The following TARDBP variants were observed in gnomAD, a reference collection of about 807,000 sequenced individuals.
TARDBP encodes the protein TAR DNA-binding protein 43.
A neutral mutation model predicts 38.3 loss-of-function variants in TARDBP; 4 were observed. That is an observed-to-expected ratio of 0.10 (90% CI 0.05 to 0.24). The LOEUF is 0.24. Ranked by LOEUF, TARDBP falls within the 10% of genes least tolerant of loss-of-function variation. TARDBP has a pLI of 1.00. For missense variants in TARDBP, 202 were observed against 521.9 expected (o/e 0.39, Z 5.97); for synonymous variants, 184 against 183.8 (o/e 1.00, Z -0.01).
At position 11,023,467 on chromosome 1, in the gene TARDBP, A is replaced by G. The variant is rs1201245706; in HGVS notation, c.*813A>G. On this transcript the variant is annotated 3_prime_UTR_variant, in exon 6 of 6. Coordinates refer to ENST00000240185, the MANE Select transcript of TARDBP (RefSeq NM_007375.4). ...GTGGGATTGATGGTGGTGCCGAGGC[A>G]TGAAAGGCTAGTATGAGCGAGAAAA... 3.4e-6 allele frequency: 2 copies of G among 587,520 alleles called. No individual in the cohort carries two copies. Among genetic ancestry groups the G allele is most frequent in the Non-Finnish European group, 6.0e-6 (2 of 331,758 alleles). The allele number at this position is 587,520 out of a possible 1,614,324, so 36.4% of individuals were successfully genotyped here. A position where few individuals can be genotyped will look rare whatever the true frequency, so the allele number is the denominator to read the frequency against.
intron 1 of TARDBP, among the ~76,000 whole-genome samples, chr1:11,013,329 G>C (rs1440993878): frequency 2.6e-5 from 4 of 152,242 alleles, no homozygotes; most frequent in Non-Finnish European, 5.9e-5. Flanking sequence ...CCATGCCTCA[G>C]CCAGTTAGGC....
At chr1:11,014,417 G>T in intron 2 of TARDBP, among the ~76,000 whole-genome samples, 1 of 152,266 alleles carries the variant, frequency 6.6e-6, no homozygotes, top group South Asian at 2.1e-4. Flanking sequence ...TTACAATTTC[G>T]AGGTTCTGGT....
At chr1:11,013,520 C>A (rs957488925) in intron 1 of TARDBP, among the ~76,000 whole-genome samples, 196 bp from the exon 2 acceptor site, 1 of 152,188 alleles carries the variant, frequency 6.6e-6, no homozygotes, top group Non-Finnish European at 1.5e-5. Context: ...AATGAACTGG[C>A]GAGGCATCAC....
intron 1 of TARDBP, among the ~76,000 whole-genome samples, chr1:11,012,971 G>C (rs1387898462): frequency 1.3e-5 from 2 of 152,256 alleles, no homozygotes; most frequent in African/African-American, 4.8e-5. Flanking sequence ...CGTAGCCTGA[G>C]GCGGAGGTTG....
intron 1 of TARDBP, 114 bp downstream of exon 1, chr1:11,012,857 G>C (rs949103664): frequency 2.6e-5 from 4 of 152,344 alleles, no homozygotes; most frequent in African/African-American, 9.6e-5. Flanking sequence ...TCAGCCGTGA[G>C]ACCGGGCCTA....
intron 3 of TARDBP, among the ~76,000 whole-genome samples, chr1:11,017,317 G>A (rs1213276768): frequency 2.0e-5 from 3 of 149,112 alleles, no homozygotes; most frequent in African/African-American, 7.5e-5. Context: ...GATTTCTCCT[G>A]TCTCGGCCTC....
chr1:11,026,316 A>G (rs958255428), downstream of TARDBP: 1 of 152,280 alleles, frequency 6.6e-6, no homozygotes, highest in African/African-American at 2.4e-5. Flanking sequence ...ACAATGTGAA[A>G]TAGTACTACT....
intron 2 of TARDBP, chr1:11,016,354 T>A (rs1017239377): frequency 5.8e-6 from 1 of 173,410 alleles, no homozygotes; most frequent in African/African-American, 2.4e-5. Flanking sequence ...ATAGGCACAC[T>A]GCAGCCTCAA....
chr1:11,022,336 T>G lies in TARDBP; in HGVS notation c.927T>G (p.Gly309=), dbSNP rs193107117. The G allele has an allele frequency of 6.8e-6, 11 of 1,613,844 alleles. No homozygotes were observed. In the East Asian group the frequency reaches 2.5e-4, roughly 36 times the overall value. Residue 309 remains glycine (G), a synonymous_variant, in exon 6 of 6, where the codon GGT becomes GGG. Coordinates refer to ENST00000240185, the MANE Select transcript of TARDBP (RefSeq NM_007375.4). This position sits in a 1 kb window ranked among gnomAD's most constrained non-coding sequence, Gnocchi z 4.5. ...LGNNQGSNMG[G]GMNFGAFSIN... ...ACAATCAAGGTAGTAATATGGGTGG[T>G]GGGATGAACTTTGGTGCGTTCAGCA... is the stretch of plus-strand genomic sequence containing the variant.
chr1:11,027,428 T>C (rs771458535), downstream of TARDBP: 35 of 1,614,020 alleles, frequency 2.2e-5, no homozygotes, highest in African/African-American at 1.7e-4. Context: ...TATAATGAGG[T>C]GATAGTCTTT....
chr1:11,023,451 A>C lies in TARDBP; in HGVS notation c.*797A>C, dbSNP rs1643678974. 1.6e-6 allele frequency: 1 copy of C among 617,720 alleles called. No individual in the cohort carries two copies. Among genetic ancestry groups the C allele is most frequent in the South Asian group, 2.2e-5 (1 of 46,014 alleles). 38.3% of individuals were successfully genotyped at this position (617,720 alleles called of 1,614,324 possible). A position where few individuals can be genotyped will look rare whatever the true frequency, so the allele number is the denominator to read the frequency against. On this transcript the variant is annotated 3_prime_UTR_variant, in exon 6 of 6. Transcript: ENST00000240185. ...ACTTTTGAAACCTTGTGTGGGATTG[A>C]TGGTGGTGCCGAGGCATGAAAGGCT...
In TARDBP at chr1:11,023,415, A is replaced by C. The variant is rs1643678785; in HGVS notation, c.*761A>C. ...CGCAAGGCTGTGATATGGAACCAGAAGGCTGTCTGAACTTTTGAAACCTTG... is the reference window on the plus strand; with the variant it reads ...CGCAAGGCTGTGATATGGAACCAGACGGCTGTCTGAACTTTTGAAACCTTG... On this transcript the variant is annotated 3_prime_UTR_variant, in exon 6 of 6. Transcript: ENST00000240185. The C allele has an allele frequency of 2.7e-6, 2 of 752,738 alleles. No individual in the cohort carries two copies. Among genetic ancestry groups the C allele is most frequent in the Non-Finnish European group, 4.3e-6 (2 of 468,154 alleles). 46.6% of individuals were successfully genotyped at this position (752,738 alleles called of 1,614,324 possible). A position where few individuals can be genotyped will look rare whatever the true frequency, so the allele number is the denominator to read the frequency against.
downstream of TARDBP, among the ~76,000 whole-genome samples, chr1:11,029,024 G>T (rs544929710): frequency 2.1e-5 from 3 of 144,400 alleles, no homozygotes; most frequent in East Asian, 6.2e-4. Context: ...ACAGAGTCTC[G>T]CTCTGTTGCC....
chr1:11,013,870 C>G lies in TARDBP; in HGVS notation c.143C>G (p.Ser48Cys). Reference sequence around the variant, plus strand: ...GGGCTTCGCTACAGGAATCCAGTGTCTCAGTGTATGAGAGGTGTCCGGCTG... The same window carrying G: ...GGGCTTCGCTACAGGAATCCAGTGTGTCAGTGTATGAGAGGTGTCCGGCTG... ...ACGLRYRNPV[S>C]QCMRGVRLVE... Residue 48 changes from serine (S) to cysteine (C), a missense_variant, in exon 2 of 6, where the codon TCT becomes TGT. Ser to Cys is a moderately radical substitution (Grantham distance 112). Transcript: ENST00000240185. 6.2e-7 allele frequency: 1 copy of G among 1,614,192 alleles called. No individual in the cohort carries two copies. Among genetic ancestry groups the G allele is most frequent in the Non-Finnish European group, 8.5e-7 (1 of 1,180,004 alleles).
At chr1:11,021,755 G>A (rs951364830) in intron 5 of TARDBP, among the ~76,000 whole-genome samples, 2 of 152,094 alleles carry the variant, frequency 1.3e-5, no homozygotes, top group South Asian at 2.1e-4. Context: ...ATGCCACTAC[G>A]CCCAGCTAAT....
At chr1:11,026,127 A>G (rs894868196), downstream of TARDBP, 2 of 154,446 alleles carry the variant, frequency 1.3e-5, no homozygotes, top group Non-Finnish European at 2.9e-5. Context: ...ATTGCTGGGA[A>G]TATCCTTACT....
chr1:11,023,671 A>C lies in TARDBP; in HGVS notation c.*1017A>C, dbSNP rs1643682044. 5.0e-6 allele frequency: 1 copy of C among 199,058 alleles called. No individual in the cohort carries two copies. Among genetic ancestry groups the C allele is most frequent in the Non-Finnish European group, 1.0e-5 (1 of 97,408 alleles). The allele number at this position is 199,058 out of a possible 1,614,324, so 12.3% of individuals were successfully genotyped here. A position where few individuals can be genotyped will look rare whatever the true frequency, so the allele number is the denominator to read the frequency against. ...ACATCTGTTGGAAGACTTTTAAGTG[A>C]GTTTTTGTTCTTAGATAACCCACAT... On this transcript the variant is annotated 3_prime_UTR_variant, in exon 6 of 6. Coordinates refer to ENST00000240185, the MANE Select transcript of TARDBP (RefSeq NM_007375.4).
intron 1 of TARDBP, among the ~76,000 whole-genome samples, 159 bp downstream of exon 1, chr1:11,012,902 TAGGTCCTGGCACGGGG>T (rs1490064803): frequency 6.6e-6 from 1 of 152,164 alleles, no homozygotes; most frequent in African/African-American, 2.4e-5. Context: ...GGAGCGTCGT[TAGGTCCTGGCACGGGG>T]AGGCCGGTGG....
chr1:11,030,319 C>A, downstream of TARDBP: 1 of 1,083,872 alleles, frequency 9.2e-7, no homozygotes, highest in Non-Finnish European at 1.4e-6. Flanking sequence ...GCTTGAATAC[C>A]CCCTTGAAAA....
Sources: allele counts gnomAD v4.1 joint callset (sites outside exome capture counted in the v4.1 genomes callset), GRCh38; gene constraint gnomAD v4.1.1; non-coding constraint Gnocchi (gnomAD v3.1); transcripts MANE v1.5; gene names NCBI Gene and HGNC (gene_info 2026-07-23, HGNC 2026-07-21).